The following ZNF652 variants were observed in gnomAD, a reference collection of about 807,000 sequenced individuals.
The protein encoded by ZNF652 is zinc finger protein 652.
ZNF652 carries 16 observed loss-of-function variants against 45.2 expected under a neutral mutation model. That is an observed-to-expected ratio of 0.35 (90% confidence interval 0.24 to 0.54). The LOEUF is 0.54. Ranked by LOEUF, ZNF652 falls within the 20% of genes least tolerant of loss-of-function variation. ZNF652 has a pLI of 0.91. For missense variants in ZNF652, 614 were observed against 765.6 expected (o/e 0.80, Z 2.34); for synonymous variants, 250 against 260.6 (o/e 0.96, Z 0.39).
intron 1 of ZNF652, among the ~76,000 whole-genome samples, chr17:49,358,805 G>A (rs2070364537): frequency 6.6e-6 from 1 of 152,212 alleles, no homozygotes; most frequent in South Asian, 2.1e-4. Context: ...AGTAGGTGCT[G>A]TTTCCCTTGA....
intron 2 of ZNF652, among the ~76,000 whole-genome samples, chr17:49,315,035 TTA>T (rs2069779678): frequency 1.7e-5 from 2 of 121,092 alleles, no homozygotes; most frequent in Non-Finnish European, 3.5e-5. Context: ...GGGGAGGGTT[TTA>T]GTTTGTTTTT....
chr17:49,308,110 G>A (rs1022355387), intron 5 of ZNF652, among the ~76,000 whole-genome samples: 15 of 151,396 alleles, frequency 9.9e-5, no homozygotes, highest in Non-Finnish European at 1.5e-4. Flanking sequence ...ATCTCTTGGT[G>A]GTATGATTTT....
chr17:49,314,762 CATT>C (rs1393331554), intron 2 of ZNF652, among the ~76,000 whole-genome samples: 1 of 152,196 alleles, frequency 6.6e-6, no homozygotes, highest in Non-Finnish European at 1.5e-5. Context: ...CTCTAAACAT[CATT>C]GTCACTTCAG....
intron 1 of ZNF652, among the ~76,000 whole-genome samples, chr17:49,328,712 A>G (rs1373576994): frequency 6.6e-6 from 1 of 152,210 alleles, no homozygotes; most frequent in Non-Finnish European, 1.5e-5. Flanking sequence ...AGCCAAGCAG[A>G]TGTTGGTGCC....
intron 1 of ZNF652, among the ~76,000 whole-genome samples, chr17:49,358,159 C>T (rs1375791377): frequency 1.3e-5 from 2 of 152,280 alleles, no homozygotes; most frequent in African/African-American, 4.8e-5. Context: ...GGCCAGAGAG[C>T]TCAAAGTGAC....
chr17:49,355,569 CCT>C (rs1359339046), intron 1 of ZNF652, among the ~76,000 whole-genome samples: 1 of 151,118 alleles, frequency 6.6e-6, no homozygotes, highest in South Asian at 2.1e-4. Flanking sequence ...AGAGTGAGAC[CCT>C]GTCTCAAATA....
chr17:49,302,270 C>T (rs1237047396), intron 5 of ZNF652, among the ~76,000 whole-genome samples: 4 of 148,940 alleles, frequency 2.7e-5, no homozygotes, highest in Admixed American at 1.4e-4. Context: ...ACAACAACAA[C>T]GTTATAAAGT....
intron 1 of ZNF652, among the ~76,000 whole-genome samples, chr17:49,326,431 T>A (rs773418857): frequency 6.6e-6 from 1 of 152,118 alleles, no homozygotes; most frequent in Non-Finnish European, 1.5e-5. Context: ...GGTTCTCAAG[T>A]GTCAATGACA....
chr17:49,290,638 T>G lies in ZNF652; in HGVS notation c.*7775A>C, dbSNP rs2069393581. The G allele has an allele frequency of 6.6e-6, 1 of 152,156 alleles. No homozygotes were observed. The highest frequency in any genetic ancestry group is 2.4e-5 in the African/African-American group (1 of 41,432). The allele number at this position is 152,156 out of a possible 1,614,324, so 9.4% of individuals were successfully genotyped here. On this transcript the variant is annotated 3_prime_UTR_variant, in exon 6 of 6. Transcript: ENST00000430262. ...CCTTTAGCACACAAAGGCGCCCCTA[T>G]GGGAAGGTCCTGGCTTTCAATCTGG...
At chr17:49,352,211 T>C (rs1449835463) in intron 1 of ZNF652, among the ~76,000 whole-genome samples, 1 of 152,212 alleles carries the variant, frequency 6.6e-6, no homozygotes, top group African/African-American at 2.4e-5. Flanking sequence ...CTAATAGTGT[T>C]TGTACTTTAG....
chr17:49,353,623 C>G (rs1449594564), intron 1 of ZNF652, among the ~76,000 whole-genome samples: 3 of 151,982 alleles, frequency 2.0e-5, no homozygotes, highest in African/African-American at 4.8e-5. Context: ...AGTGCCCATA[C>G]CAACCCAATT....
In ZNF652 at chr17:49,298,372, T is replaced by C. The variant is rs748723050; in HGVS notation, c.*41A>G. 7 of 1,609,824 alleles carry C rather than the reference T, an allele frequency of 4.3e-6. No homozygotes were observed. The highest frequency in any genetic ancestry group is 3.3e-5 in the Admixed American group (2 of 59,848). On this transcript the variant is annotated 3_prime_UTR_variant, in exon 6 of 6. Coordinates refer to ENST00000430262, the MANE Select transcript of ZNF652 (RefSeq NM_001145365.3). ...GACTCCCTCTGTGCACGCTCACACA[T>C]GGGGACGTGTCTCCTGGAGAACACA...
chr17:49,310,764 T>C (rs909368065), intron 5 of ZNF652, among the ~76,000 whole-genome samples: 1 of 152,080 alleles, frequency 6.6e-6, no homozygotes, highest in Admixed American at 6.6e-5. Flanking sequence ...TAGCCAGGTA[T>C]GGTGGCGCAC....
intron 5 of ZNF652, among the ~76,000 whole-genome samples, chr17:49,308,361 G>A (rs751348518): frequency 2.0e-5 from 3 of 152,138 alleles, no homozygotes; most frequent in Non-Finnish European, 2.9e-5. Context: ...TATTTTTGCA[G>A]AGATGGGGTT....
At chr17:49,342,870 T>A (rs2070164329) in intron 1 of ZNF652, among the ~76,000 whole-genome samples, 1 of 151,808 alleles carries the variant, frequency 6.6e-6, no homozygotes, top group South Asian at 2.1e-4. Flanking sequence ...TATACAAAGG[T>A]TTTTTCCACA....
chr17:49,334,153 T>C (rs2070056441), intron 1 of ZNF652, among the ~76,000 whole-genome samples: 1 of 152,104 alleles, frequency 6.6e-6, no homozygotes, highest in African/African-American at 2.4e-5. Flanking sequence ...AAACAAAATA[T>C]ATAATCATAC....
intron 1 of ZNF652, among the ~76,000 whole-genome samples, chr17:49,343,811 T>C (rs1428535545): frequency 6.6e-6 from 1 of 152,056 alleles, no homozygotes; most frequent in African/African-American, 2.4e-5. Flanking sequence ...TCCCAAAACT[T>C]TGGCAGGCCA....
intron 1 of ZNF652, among the ~76,000 whole-genome samples, chr17:49,357,318 T>C (rs1390709708): frequency 1.3e-5 from 2 of 150,482 alleles, no homozygotes; most frequent in Non-Finnish European, 3.0e-5. Flanking sequence ...AAAAAGATAA[T>C]GTCATCTTTA....
At chr17:49,319,635 C>CA (rs35770760) in intron 1 of ZNF652, among the ~76,000 whole-genome samples, 1,736 of 46,150 alleles carry the variant, frequency 0.038, 261 homozygotes, top group African/African-American at 0.12. Flanking sequence ...GACTCTGTCT[C>CA]AAAAAAAAAA....
Sources: allele counts gnomAD v4.1 joint callset (sites outside exome capture counted in the v4.1 genomes callset), GRCh38; gene constraint gnomAD v4.1.1; transcripts MANE v1.5; gene names NCBI Gene and HGNC (gene_info 2026-07-23, HGNC 2026-07-21).